PDE4D: variants seen among roughly 807,000 people sequenced by gnomAD.
PDE4D encodes 3',5'-cyclic-AMP phosphodiesterase 4D.
In PDE4D, 24 loss-of-function variants were observed where a neutral mutation model predicts 87.4. The ratio of observed to expected loss-of-function variants is 0.27; its 90% CI spans 0.20 to 0.39. PDE4D has a LOEUF of 0.39. PDE4D is among the 10% of genes least tolerant of loss of function. The probability of loss-of-function intolerance (pLI) is 1.00; values close to 1 mark genes in which losing one functional copy is unlikely to be tolerated. For synonymous variants in PDE4D, 384 were observed against 383.2 expected, an observed-to-expected ratio of 1.00 and a Z score of -0.02; for missense variants, 714 against 1,041.0, an observed-to-expected ratio of 0.69 and a Z score of 4.32.
chr5:59,215,843 C>A lies in PDE4D; in HGVS notation c.581G>T (p.Arg194Leu). Residue 194 changes from arginine to leucine, a missense_variant, in exon 2 of 15, where the codon CGA becomes CTA. Transcript: ENST00000340635. ...AGAGAGGTCATAATCGCTGTCGGAT[C>A]GATACAGGAAGGACTCCCGTCGTTG... The part of the protein sequence containing the change: ...HSQRRESFLY[R>L]SDSDYDLSPK... The A allele has an allele frequency of 6.2e-7, 1 of 1,613,608 alleles. No individual in the cohort carries two copies. Among genetic ancestry groups the A allele is most frequent in the East Asian group, 2.2e-5 (1 of 44,870 alleles).
At chr5:60,041,092 A>T (rs1768429100) in intron 2 of PDE4D, among the ~76,000 whole-genome samples, 3 of 152,238 alleles carry the variant, frequency 2.0e-5, no homozygotes, top group Admixed American at 1.3e-4. Flanking sequence ...AAAAATTTCC[A>T]TCATTAAATC....
At chr5:59,007,540 C>A (rs1421653017) in intron 6 of PDE4D, among the ~76,000 whole-genome samples, 1 of 152,122 alleles carries the variant, frequency 6.6e-6, no homozygotes, top group African/African-American at 2.4e-5. Flanking sequence ...TTTTACATAA[C>A]AGAATGTTAC....
chr5:60,394,461 G>A (rs180711904), intron 1 of PDE4D, among the ~76,000 whole-genome samples: 6 of 152,296 alleles, frequency 3.9e-5, no homozygotes, highest in East Asian at 1.9e-4. Context: ...CTTTGAACTC[G>A]AGGTTTGATA....
intron 5 of PDE4D, among the ~76,000 whole-genome samples, chr5:59,044,696 CTCTCATCTCCAAGTGTATT>C: frequency 6.6e-6 from 1 of 152,288 alleles, no homozygotes; most frequent in East Asian, 1.9e-4. Flanking sequence ...TGGCAAGCTG[CTCTCATCTCCAAGTGTATT>C]TCTGGCATCA....
At chr5:59,960,972 A>C (rs1759403525) in intron 3 of PDE4D, among the ~76,000 whole-genome samples, 1 of 152,210 alleles carries the variant, frequency 6.6e-6, no homozygotes, top group Non-Finnish European at 1.5e-5. Context: ...AGCATCTGGC[A>C]CTATAGGCTC....
chr5:60,468,026 T>C (rs1014413270), intron 1 of PDE4D, among the ~76,000 whole-genome samples: 1 of 152,112 alleles, frequency 6.6e-6, no homozygotes, highest in African/African-American at 2.4e-5. Context: ...GAAAGTCCTA[T>C]GATAATACCT....
intron 1 of PDE4D, among the ~76,000 whole-genome samples, chr5:59,697,556 C>A (rs953010043): frequency 1.3e-5 from 2 of 152,154 alleles, no homozygotes; most frequent in African/African-American, 2.4e-5. Flanking sequence ...CTCTTCAAAG[C>A]AAACCAATGA....
rs920174645 is a variant in PDE4D at position 59,654,881 on chromosome 5, C to T, written c.455+238287G>A. On this transcript the variant is annotated intron_variant, in intron 1 of 14. Transcript: ENST00000340635. ...TTTTCAAGGTTTATACATGTAATAGCATGCATTGATACTGAATTCTTTATT... is the reference window on the plus strand; with the variant it reads ...TTTTCAAGGTTTATACATGTAATAGTATGCATTGATACTGAATTCTTTATT... Among the ~76,000 whole-genome samples the T allele has an allele frequency of 2.6e-5, 4 of 152,220 alleles. No individual in the cohort carries two copies. In the East Asian group the frequency reaches 7.7e-4, roughly 29 times the overall value.
intron 4 of PDE4D, among the ~76,000 whole-genome samples, chr5:59,184,451 A>G (rs938764426): frequency 2.0e-5 from 3 of 152,250 alleles, no homozygotes; most frequent in Non-Finnish European, 4.4e-5. Context: ...AGTTCCTAAT[A>G]CACTTATATT....
At chr5:60,093,901 A>G (rs1254201543) in intron 2 of PDE4D, among the ~76,000 whole-genome samples, 5 of 152,220 alleles carry the variant, frequency 3.3e-5, no homozygotes, top group Non-Finnish European at 2.9e-5. Flanking sequence ...AAGATAATAT[A>G]CCAACAATTA....
At chr5:59,324,243 T>G (rs1046527459) in intron 1 of PDE4D, among the ~76,000 whole-genome samples, 2 of 152,180 alleles carry the variant, frequency 1.3e-5, no homozygotes, top group African/African-American at 4.8e-5. Flanking sequence ...GTAGCACTTA[T>G]GATACTATAG....
At chr5:59,524,893 G>C (rs956446246) in intron 1 of PDE4D, among the ~76,000 whole-genome samples, 4 of 152,238 alleles carry the variant, frequency 2.6e-5, no homozygotes, top group Non-Finnish European at 1.5e-5. Context: ...CAGGTGCACA[G>C]AAGTCAAGAA....
chr5:59,016,483 T>C (rs1754042041), intron 6 of PDE4D, among the ~76,000 whole-genome samples: 1 of 151,212 alleles, frequency 6.6e-6, no homozygotes, highest in Non-Finnish European at 1.5e-5. Flanking sequence ...ATATGACAGG[T>C]TTTTGTCTAA....
At chr5:60,361,105 G>C (rs1364175021) in intron 1 of PDE4D, among the ~76,000 whole-genome samples, 1 of 152,118 alleles carries the variant, frequency 6.6e-6, no homozygotes, top group Admixed American at 6.5e-5. Flanking sequence ...TCATTTCTGA[G>C]CTCAGCTAAG....
intron 1 of PDE4D, among the ~76,000 whole-genome samples, chr5:60,509,024 C>G (rs531099607): frequency 1.3e-5 from 2 of 152,024 alleles, no homozygotes; most frequent in African/African-American, 2.4e-5. Context: ...CTCAGCCTCC[C>G]GAGTAGCTAG....
At chr5:60,425,312 C>A (rs1267017712) in intron 1 of PDE4D, among the ~76,000 whole-genome samples, 1 of 152,172 alleles carries the variant, frequency 6.6e-6, no homozygotes, top group Non-Finnish European at 1.5e-5. Context: ...ACCAAAACAG[C>A]ATGGTACTGG....
At chr5:60,418,320 CAA>C (rs1287899475) in intron 1 of PDE4D, among the ~76,000 whole-genome samples, 1 of 151,890 alleles carries the variant, frequency 6.6e-6, no homozygotes, top group African/African-American at 2.4e-5. Context: ...TTTTAAAGCA[CAA>C]AAAGGGGAGA....
chr5:59,561,048 G>A (rs1819889211), intron 1 of PDE4D: 1 of 152,160 alleles, frequency 6.6e-6, no homozygotes, highest in African/African-American at 2.4e-5. Context: ...CAACCCCACA[G>A]GAAAATTGTA....
chr5:59,982,119 C>T (rs975649317), intron 3 of PDE4D, among the ~76,000 whole-genome samples: 4 of 152,048 alleles, frequency 2.6e-5, no homozygotes, highest in Admixed American at 2.6e-4. Context: ...TAAATTTATC[C>T]CCAAAAGTGA....
Sources: allele counts gnomAD v4.1 joint callset (sites outside exome capture counted in the v4.1 genomes callset), GRCh38; gene constraint gnomAD v4.1.1; transcripts MANE v1.5; gene names NCBI Gene and HGNC (gene_info 2026-07-23, HGNC 2026-07-21).